The following LGI2 variants were observed in gnomAD, a reference collection of about 807,000 sequenced individuals.
LGI2 encodes the protein leucine-rich repeat LGI family member 2.
In LGI2, 30 loss-of-function variants were observed where a neutral mutation model predicts 52.0. The observed-to-expected ratio is 0.58, with a 90% CI of 0.43 to 0.78. LGI2 has a LOEUF of 0.78. Ranked by LOEUF, LGI2 falls within the 30% of genes least tolerant of loss-of-function variation. The probability of loss-of-function intolerance (pLI) is 0.00; values close to 1 mark genes in which losing one functional copy is unlikely to be tolerated. For missense variants in LGI2, 573 were observed against 692.5 expected (o/e 0.83, Z 1.94); for synonymous variants, 270 against 271.8 (o/e 0.99, Z 0.06).
rs757156767 is a variant in LGI2, at chr4:25,004,173, C to T, written c.916G>A (p.Asp306Asn). ...TTGACAAATTTGGTCCAACTCTCGTCGTATTTGTAAATGTGAGAGCCACCG... is the reference window on the plus strand; with the variant it reads ...TTGACAAATTTGGTCCAACTCTCGTTGTATTTGTAAATGTGAGAGCCACCG... ...LFGGSHIYKY[D>N]ESWTKFVKFQ... The change falls in exon 8 of 8, where the codon GAC becomes AAC. Residue 306 changes from aspartate to asparagine, a missense_variant. Physicochemically the swap from Asp to Asn is conservative, Grantham distance 23. Transcript: ENST00000382114. This position sits in a 1 kb window ranked among gnomAD's most constrained non-coding sequence, Gnocchi z 4.6. The T allele has an allele frequency of 7.4e-6, 12 of 1,614,106 alleles. No homozygotes were observed. The highest frequency in any genetic ancestry group is 6.6e-5 in the South Asian group (6 of 91,070).
At chr4:25,017,340 G>C (rs1481066738) in intron 6 of LGI2, among the ~76,000 whole-genome samples, 1 of 151,702 alleles carries the variant, frequency 6.6e-6, no homozygotes, top group Non-Finnish European at 1.5e-5. Context: ...TCAGGAGATC[G>C]AGACCATCCT....
intron 5 of LGI2, among the ~76,000 whole-genome samples, chr4:25,018,815 T>C (rs1021596695): frequency 2.7e-5 from 4 of 150,802 alleles, no homozygotes; most frequent in East Asian, 3.9e-4. Flanking sequence ...TGAGTGGAGA[T>C]CATACCATTT....
At chr4:24,993,351 A>G in the LGI2 span, among the ~76,000 whole-genome samples, 1 of 152,200 alleles carries the variant, frequency 6.6e-6, no homozygotes, top group Non-Finnish European at 1.5e-5. Context: ...CCACATCTGT[A>G]AAATGGGGAT....
At chr4:25,028,833 C>T (rs886069522) in intron 1 of LGI2, among the ~76,000 whole-genome samples, 1 of 152,196 alleles carries the variant, frequency 6.6e-6, no homozygotes, top group Non-Finnish European at 1.5e-5. Flanking sequence ...GACATTATCT[C>T]GGTCAGTTTA....
chr4:25,014,235 AAGGC>A (rs780106698), intron 6 of LGI2, among the ~76,000 whole-genome samples: 2 of 152,206 alleles, frequency 1.3e-5, no homozygotes, highest in Non-Finnish European at 2.9e-5. Context: ...TTTGCTTAAA[AAGGC>A]AGGCTGTTTA....
In LGI2 at chr4:24,999,869, G is replaced by A. The variant is rs1438376901; in HGVS notation, c.*3582C>T. 2 of 456,036 alleles carry A rather than the reference G, an allele frequency of 4.4e-6. No homozygotes were observed. The highest frequency in any genetic ancestry group is 4.0e-5 in the African/African-American group (2 of 50,064). The allele number at this position is 456,036 out of a possible 1,614,324, so 28.2% of individuals were successfully genotyped here. On this transcript the variant is annotated 3_prime_UTR_variant, in exon 8 of 8. Transcript: ENST00000382114. ...AATTCATCACCACTCGTGCATTCAGGTTTTGAATTTTTCCTTCACAGATCT... is the reference window on the plus strand; with the variant it reads ...AATTCATCACCACTCGTGCATTCAGATTTTGAATTTTTCCTTCACAGATCT...
At position 25,004,336 on chromosome 4, in the gene LGI2, C is replaced by A; in HGVS notation, c.821-68G>T. On this transcript the variant is annotated intron_variant, in intron 7 of 7. Coordinates refer to ENST00000382114, the MANE Select transcript of LGI2 (RefSeq NM_018176.4). The surrounding 1 kb of genome is among the most constrained non-coding windows in gnomAD (Gnocchi z 4.6). ...CTAAAAACGCATCTCCGCTTGTACT[C>A]TTATACACTGCTGGTGGGAGTGTGA... 1 of 1,338,070 alleles carries A rather than the reference C, an allele frequency of 7.5e-7. No homozygotes were observed. The highest frequency in any genetic ancestry group is 1.0e-6 in the Non-Finnish European group (1 of 970,758). 82.9% of individuals were successfully genotyped at this position (1,338,070 alleles called of 1,614,324 possible).
At chr4:25,007,998 T>C (rs1160107168) in intron 7 of LGI2, among the ~76,000 whole-genome samples, 1 of 152,202 alleles carries the variant, frequency 6.6e-6, no homozygotes, top group Non-Finnish European at 1.5e-5. Flanking sequence ...CCTAGGGCAG[T>C]GTCCTTGCCT....
intron 7 of LGI2, among the ~76,000 whole-genome samples, chr4:25,011,105 C>A (rs1048695871): frequency 1.9e-4 from 28 of 150,544 alleles, no homozygotes; most frequent in Non-Finnish European, 3.6e-4. Context: ...ATCAAAAAAA[C>A]CAAAAAACAG....
chr4:25,028,471 G>GC, intron 2 of LGI2, 36 bp downstream of exon 2: 3 of 1,593,692 alleles, frequency 1.9e-6, no homozygotes, highest in African/African-American at 1.3e-5. Context: ...GCACCTCAGG[G>GC]CCCCCCATTG....
chr4:25,025,809 T>C (rs558053190), intron 3 of LGI2, among the ~76,000 whole-genome samples: 3 of 152,324 alleles, frequency 2.0e-5, no homozygotes, highest in South Asian at 2.1e-4. Flanking sequence ...TTTTCAGTAA[T>C]AGACTTCAGC....
At chr4:25,016,496 T>C (rs1401838379) in intron 6 of LGI2, among the ~76,000 whole-genome samples, 1 of 152,252 alleles carries the variant, frequency 6.6e-6, no homozygotes, top group Admixed American at 6.5e-5. Context: ...TCTGATTTAT[T>C]GTCCTGGCCC....
chr4:25,006,780 C>G (rs28402671), intron 7 of LGI2, among the ~76,000 whole-genome samples: 1 of 151,954 alleles, frequency 6.6e-6, no homozygotes, highest in Middle Eastern at 3.2e-3. Context: ...AGGGTAAAAC[C>G]GAGGCACAGA....
In LGI2 at chr4:25,004,164, A is replaced by G; in HGVS notation, c.925T>C (p.Trp309Arg). 1 of 1,614,210 alleles carries G rather than the reference A, an allele frequency of 6.2e-7. No individual in the cohort carries two copies. The highest frequency in any genetic ancestry group is 8.5e-7 in the Non-Finnish European group (1 of 1,180,040). Residue 309 changes from tryptophan (W) to arginine (R), a missense_variant, in exon 8 of 8, where the codon TGG becomes CGG. Coordinates refer to ENST00000382114, the MANE Select transcript of LGI2 (RefSeq NM_018176.4). This position sits in a 1 kb window ranked among gnomAD's most constrained non-coding sequence, Gnocchi z 4.6. The part of the protein sequence containing the change: ...GSHIYKYDES[W>R]TKFVKFQDIE... ...TCTTGGAATTTGACAAATTTGGTCC[A>G]ACTCTCGTCGTATTTGTAAATGTGA... is the stretch of plus-strand genomic sequence containing the variant.
chr4:25,029,245 G>C (rs1726249893), intron 1 of LGI2, among the ~76,000 whole-genome samples: 2 of 152,222 alleles, frequency 1.3e-5, no homozygotes, highest in African/African-American at 4.8e-5. Context: ...TTAAGCAGCT[G>C]CTGGTCTGAA....
intron 6 of LGI2, among the ~76,000 whole-genome samples, chr4:25,014,078 A>T (rs1466224387): frequency 6.6e-6 from 1 of 152,218 alleles, no homozygotes; most frequent in African/African-American, 2.4e-5. Flanking sequence ...CAAGATGGCT[A>T]TAAACTCCTC....
At chr4:25,013,481 T>C (rs934373817) in intron 6 of LGI2, among the ~76,000 whole-genome samples, 7 of 152,162 alleles carry the variant, frequency 4.6e-5, no homozygotes, top group Non-Finnish European at 8.8e-5. Flanking sequence ...AACATCCTGG[T>C]GAAGGGCTTC....
At chr4:25,013,908 T>C (rs986008040) in intron 6 of LGI2, among the ~76,000 whole-genome samples, 1 of 152,136 alleles carries the variant, frequency 6.6e-6, no homozygotes, top group African/African-American at 2.4e-5. Context: ...GTGCCAACAG[T>C]GTAGAAGCCA....
chr4:25,023,672 A>G (rs1384729958), intron 4 of LGI2, among the ~76,000 whole-genome samples: 1 of 152,196 alleles, frequency 6.6e-6, no homozygotes, highest in Non-Finnish European at 1.5e-5. Flanking sequence ...ACTTCCAGTC[A>G]AAACCCTCCA....
Sources: allele counts gnomAD v4.1 joint callset (sites outside exome capture counted in the v4.1 genomes callset), GRCh38; gene constraint gnomAD v4.1.1; non-coding constraint Gnocchi (gnomAD v3.1); transcripts MANE v1.5; gene names NCBI Gene and HGNC (gene_info 2026-07-23, HGNC 2026-07-21).